Variants in SEC61A2 observed in about 807,000 individuals in gnomAD.
SEC61A2 encodes the protein SEC61 translocon subunit alpha 2, also known as protein transport protein Sec61 subunit alpha isoform 2.
In SEC61A2, 28 loss-of-function variants were observed where a neutral mutation model predicts 59.9. The ratio of observed to expected loss-of-function variants is 0.47; its 90% CI spans 0.35 to 0.64. SEC61A2 has a LOEUF of 0.64. Ranked by LOEUF, SEC61A2 falls within the 30% of genes least tolerant of loss-of-function variation. The pLI is 0.01. For missense variants in SEC61A2, 340 were observed against 585.9 expected, an observed-to-expected ratio of 0.58 and a Z score of 4.33; for synonymous variants, 202 against 214.4, an observed-to-expected ratio of 0.94 and a Z score of 0.50.
chr10:12,129,944 C>G lies in SEC61A2; in HGVS notation c.7+150C>G. ...TCAGCGGAGGGCACGGGCCGGGGGCCTCCGCCGAGGCTCCCCTAGCCGTGC... is the reference window on the plus strand; with the variant it reads ...TCAGCGGAGGGCACGGGCCGGGGGCGTCCGCCGAGGCTCCCCTAGCCGTGC... On this transcript the variant is annotated intron_variant, in intron 1 of 11. Transcript: ENST00000298428. This position sits in a 1 kb window ranked among gnomAD's most constrained non-coding sequence, Gnocchi z 5.6. 1.5e-6 allele frequency: 1 copy of G among 681,700 alleles called. No individual in the cohort carries two copies. Among genetic ancestry groups the G allele is most frequent in the Non-Finnish European group, 2.1e-6 (1 of 477,524 alleles). 42.2% of individuals were successfully genotyped at this position (681,700 alleles called of 1,614,324 possible).
rs1190499354 is a variant in SEC61A2 at position 12,142,501 on chromosome 10, G to A, written c.142-616G>A. The A allele has an allele frequency of 2.1e-5, 21 of 981,744 alleles. No homozygotes were observed. The highest frequency in any genetic ancestry group is 2.4e-5 in the Non-Finnish European group (20 of 826,698). The allele number at this position is 981,744 out of a possible 1,614,324, so 60.8% of individuals were successfully genotyped here. A position where few individuals can be genotyped will look rare whatever the true frequency, so the allele number is the denominator to read the frequency against. On this transcript the variant is annotated intron_variant, in intron 3 of 11. Transcript: ENST00000298428. This position sits in a 1 kb window ranked among gnomAD's most constrained non-coding sequence, Gnocchi z 5.4. ...TGGATATCATCTTCAGTCTTACATT[G>A]AGAAGAGTGACCTTGGCTGTCTTTA...
At chr10:12,131,544 AAAACAATACTTTCTGAT>A in intron 1 of SEC61A2, among the ~76,000 whole-genome samples, 1 of 152,120 alleles carries the variant, frequency 6.6e-6, no homozygotes, top group Non-Finnish European at 1.5e-5. Context: ...GTAGTCTGGG[AAAACAATACTTTCTGAT>A]GAAATGTAAT....
chr10:12,136,024 A>G, intron 2 of SEC61A2, 81 bp from the exon 3 acceptor site: 2 of 870,434 alleles, frequency 2.3e-6, no homozygotes. Context: ...GCCCCAAAGA[A>G]TAACCTCAAA....
chr10:12,131,764 T>C (rs1375455961), intron 1 of SEC61A2, among the ~76,000 whole-genome samples: 1 of 135,364 alleles, frequency 7.4e-6, no homozygotes, highest in Non-Finnish European at 1.6e-5. Flanking sequence ...CATCCGGGCT[T>C]ACTGCAAGCT....
In SEC61A2 at chr10:12,164,474, T is replaced by C. The variant is rs1834615387; in HGVS notation, c.*20T>C. The C allele has an allele frequency of 6.2e-7, 1 of 1,606,304 alleles. No individual in the cohort carries two copies. The highest frequency in any genetic ancestry group is 1.3e-5 in the African/African-American group (1 of 74,564). On this transcript the variant is annotated 3_prime_UTR_variant, in exon 12 of 12. Coordinates refer to ENST00000298428, the MANE Select transcript of SEC61A2 (RefSeq NM_018144.4). This position sits in a 1 kb window ranked among gnomAD's most constrained non-coding sequence, Gnocchi z 7.3. ...TTCTAAATGTTCAAATATTTCATTT[T>C]GTGCGTGTGAAAGGGAAAACACTTT... is the stretch of plus-strand genomic sequence containing the variant.
In SEC61A2 at chr10:12,153,643, A is replaced by G. The variant is rs993000273; in HGVS notation, c.463-2135A>G. The G allele has an allele frequency of 1.2e-5, 16 of 1,336,598 alleles. No individual in the cohort carries two copies. The highest frequency in any genetic ancestry group is 1.5e-5 in the Non-Finnish European group (15 of 974,136). The allele number at this position is 1,336,598 out of a possible 1,614,324, so 82.8% of individuals were successfully genotyped here. A position where few individuals can be genotyped will look rare whatever the true frequency, so the allele number is the denominator to read the frequency against. On this transcript the variant is annotated intron_variant, in intron 6 of 11. Transcript: ENST00000298428. The surrounding 1 kb of genome is among the most constrained non-coding windows in gnomAD (Gnocchi z 5.2). ...TTTACATGAATTCTGATACACAAAT[A>G]TGCGTGTTATGGCTAATTCTTCTAA...
intron 4 of SEC61A2, among the ~76,000 whole-genome samples, chr10:12,148,708 T>C (rs1834204520): frequency 6.7e-6 from 1 of 150,304 alleles, no homozygotes; most frequent in Non-Finnish European, 1.5e-5. Flanking sequence ...CCTGGCCAAT[T>C]TTTGTATTTT....
rs1452146931 is a variant in SEC61A2 at position 12,161,341 on chromosome 10, A to G, written c.1167+220A>G. 6.6e-6 allele frequency among the ~76,000 whole-genome samples: 1 copy of G among 152,186 alleles called. No individual in the cohort carries two copies. The highest frequency in any genetic ancestry group is 1.9e-4 in the East Asian group (1 of 5,192). On this transcript the variant is annotated intron_variant, in intron 10 of 11. Transcript: ENST00000298428. The surrounding 1 kb of genome is among the most constrained non-coding windows in gnomAD (Gnocchi z 5.4). Reference sequence around the variant, plus strand: ...AAGCCCGTGGTCCCAGCTACTTGGGAAGTTGAGACGGAGCAGTAACGCTTG... The same window carrying G: ...AAGCCCGTGGTCCCAGCTACTTGGGGAGTTGAGACGGAGCAGTAACGCTTG...
rs1017526522 is a variant in SEC61A2 at position 12,160,665 on chromosome 10, G to C, written c.976-265G>C. On this transcript the variant is annotated intron_variant, in intron 9 of 11. Transcript: ENST00000298428. The surrounding 1 kb of genome is among the most constrained non-coding windows in gnomAD (Gnocchi z 4.1). ...AAATGTAATCATATTCCTATTTTCA[G>C]TAATGGAAGATTTTGTAATATATTA... Among the ~76,000 whole-genome samples the C allele has an allele frequency of 1.3e-5, 2 of 151,968 alleles. No homozygotes were observed. The highest frequency in any genetic ancestry group is 2.9e-5 in the Non-Finnish European group (2 of 68,012).
At position 12,158,754 on chromosome 10, in the gene SEC61A2, A is replaced by G. The variant is rs555428281; in HGVS notation, c.975+649A>G. Reference sequence around the variant, plus strand: ...CCAAAAAATAAAAACAAAAAATGCTATTTGCTGCTGCTAACATGTGAGATA... The same window carrying G: ...CCAAAAAATAAAAACAAAAAATGCTGTTTGCTGCTGCTAACATGTGAGATA... On this transcript the variant is annotated intron_variant, in intron 9 of 11. Coordinates refer to ENST00000298428, the MANE Select transcript of SEC61A2 (RefSeq NM_018144.4). The surrounding 1 kb of genome is among the most constrained non-coding windows in gnomAD (Gnocchi z 5.7). 1.3e-5 allele frequency among the ~76,000 whole-genome samples: 2 copies of G among 151,938 alleles called. No homozygotes were observed. The highest frequency in any genetic ancestry group is 3.9e-4 in the East Asian group (2 of 5,128).
At position 12,165,071 on chromosome 10, in the gene SEC61A2, T is replaced by G. The variant is rs1341576693; in HGVS notation, c.*617T>G. On this transcript the variant is annotated 3_prime_UTR_variant, in exon 12 of 12. Coordinates refer to ENST00000298428, the MANE Select transcript of SEC61A2 (RefSeq NM_018144.4). The stretch of plus-strand genomic sequence containing the variant: ...CTTCTCCTCCTCCTCTTCCTCTTCC[T>G]CCTTTTCCTTCTCCTCCTCCTCTCT... The G allele has an allele frequency of 5.1e-6, 5 of 987,176 alleles. No homozygotes were observed. Among genetic ancestry groups the G allele is most frequent in the Non-Finnish European group, 6.0e-6 (5 of 830,654 alleles). 61.2% of individuals were successfully genotyped at this position (987,176 alleles called of 1,614,324 possible). A position where few individuals can be genotyped will look rare whatever the true frequency, so the allele number is the denominator to read the frequency against.
chr10:12,138,672 A>G (rs960113016), intron 3 of SEC61A2, among the ~76,000 whole-genome samples: 7 of 152,340 alleles, frequency 4.6e-5, no homozygotes, highest in Admixed American at 3.3e-4. Flanking sequence ...TTTGAGATTA[A>G]TTCATATGGT....
At chr10:12,134,001 G>GTATT (rs762230002) in intron 2 of SEC61A2, among the ~76,000 whole-genome samples, 49 of 152,214 alleles carry the variant, frequency 3.2e-4, no homozygotes, top group Non-Finnish European at 6.8e-4. Context: ...TGATTTAGAA[G>GTATT]TATTTATTTA....
In SEC61A2 at chr10:12,164,939, AC is replaced by A; in HGVS notation, c.*490del. The A allele has an allele frequency of 1.7e-6, 1 of 603,262 alleles. No homozygotes were observed. The highest frequency in any genetic ancestry group is 2.0e-6 in the Non-Finnish European group (1 of 512,726). The allele number at this position is 603,262 out of a possible 1,614,324, so 37.4% of individuals were successfully genotyped here. The stretch of plus-strand genomic sequence containing the variant: ...TTAACTCATGGTATCCCCACTCCCC[AC>A]CCCCACCTCATTTTTATTTGTCCCT... On this transcript the variant is annotated 3_prime_UTR_variant, in exon 12 of 12. Transcript: ENST00000298428. This position sits in a 1 kb window ranked among gnomAD's most constrained non-coding sequence, Gnocchi z 7.3.
chr10:12,149,764 TGA>T lies in SEC61A2; in HGVS notation c.352+42_352+43del. ...GCAATTAAAGAGCATTCTCCAAATT[TGA>T]GAGTGCTCGTGGTAAAGATGTTTTC... On this transcript the variant is annotated intron_variant, in intron 5 of 11. Transcript: ENST00000298428. The surrounding 1 kb of genome is among the most constrained non-coding windows in gnomAD (Gnocchi z 5.2). 1 of 1,606,530 alleles carries T rather than the reference TGA, an allele frequency of 6.2e-7. No individual in the cohort carries two copies. Among genetic ancestry groups the T allele is most frequent in the Non-Finnish European group, 8.5e-7 (1 of 1,175,834 alleles).
In SEC61A2 at chr10:12,155,316, A is replaced by G; in HGVS notation, c.463-462A>G. On this transcript the variant is annotated intron_variant, in intron 6 of 11. Coordinates refer to ENST00000298428, the MANE Select transcript of SEC61A2 (RefSeq NM_018144.4). The surrounding 1 kb of genome is among the most constrained non-coding windows in gnomAD (Gnocchi z 4.3). Reference sequence around the variant, plus strand: ...ATATAATGCTTTTTTCAAAGGATCAACACAGCCCTTAGACTTATCCTTTGA... The same window carrying G: ...ATATAATGCTTTTTTCAAAGGATCAGCACAGCCCTTAGACTTATCCTTTGA... 5 of 1,570,426 alleles carry G rather than the reference A, an allele frequency of 3.2e-6. No homozygotes were observed. Among genetic ancestry groups the G allele is most frequent in the Non-Finnish European group, 4.3e-6 (5 of 1,159,512 alleles).
At position 12,133,972 on chromosome 10, in the gene SEC61A2, G is replaced by T. The variant is rs530658244; in HGVS notation, c.75+664G>T. 9.2e-5 allele frequency among the ~76,000 whole-genome samples: 14 copies of T among 152,296 alleles called. No homozygotes were observed. In the East Asian group the frequency reaches 1.5e-3, roughly 17 times the overall value. ...AATAGGGACATAGAGATAGGTAAAA[G>T]AATTTTAAACTTACTATTTGATTTA... is the stretch of plus-strand genomic sequence containing the variant. On this transcript the variant is annotated intron_variant, in intron 2 of 11. Transcript: ENST00000298428.
chr10:12,133,765 T>C (rs560481460), intron 2 of SEC61A2, among the ~76,000 whole-genome samples: 1 of 152,368 alleles, frequency 6.6e-6, no homozygotes, highest in South Asian at 2.1e-4. Flanking sequence ...CTTGATTCAT[T>C]CGTTGGAAAG....
At position 12,158,292 on chromosome 10, in the gene SEC61A2, G is replaced by C. The variant is rs956375062; in HGVS notation, c.975+187G>C. 2.7e-5 allele frequency: 15 copies of C among 563,676 alleles called. No homozygotes were observed. The highest frequency in any genetic ancestry group is 3.7e-5 in the Non-Finnish European group (12 of 325,248). The allele number at this position is 563,676 out of a possible 1,614,324, so 34.9% of individuals were successfully genotyped here. ...GTTGCAGAAGTAAGATTGCCCAAGCGCTTTTTATTATTTTGCTCTCTAGGA... is the reference window on the plus strand; with the variant it reads ...GTTGCAGAAGTAAGATTGCCCAAGCCCTTTTTATTATTTTGCTCTCTAGGA... On this transcript the variant is annotated intron_variant, in intron 9 of 11. Transcript: ENST00000298428. The surrounding 1 kb of genome is among the most constrained non-coding windows in gnomAD (Gnocchi z 5.7).
Sources: allele counts gnomAD v4.1 joint callset (sites outside exome capture counted in the v4.1 genomes callset), GRCh38; gene constraint gnomAD v4.1.1; non-coding constraint Gnocchi (gnomAD v3.1); transcripts MANE v1.5; gene names NCBI Gene and HGNC (gene_info 2026-07-23, HGNC 2026-07-21).